Variants in SRGAP2B observed in about 807,000 individuals in gnomAD.
SRGAP2B encodes SLIT-ROBO Rho GTPase activating protein 2B, also known as SLIT-ROBO Rho GTPase-activating protein 2B.
A neutral mutation model predicts 22.2 loss-of-function variants in SRGAP2B; 9 were observed. That is an observed-to-expected ratio of 0.41 (90% confidence interval 0.24 to 0.71). The LOEUF is 0.71. Ranked by LOEUF, SRGAP2B falls within the 30% of genes least tolerant of loss-of-function variation. SRGAP2B has a pLI of 0.35. For synonymous variants in SRGAP2B, 36 were observed against 87.4 expected, an observed-to-expected ratio of 0.41 and a Z score of 3.28; for missense variants, 114 against 235.8, an observed-to-expected ratio of 0.48 and a Z score of 3.38.
At chr1:144,918,058 G>A (rs1304299159) in intron 4 of SRGAP2B, 1 of 74,626 alleles carries the variant, frequency 1.3e-5, no homozygotes, top group Non-Finnish European at 2.5e-5. Flanking sequence ...GAGCTTTTCC[G>A]TTCTCTATAA....
intron 3 of SRGAP2B, among the ~76,000 whole-genome samples, chr1:144,967,538 A>G (rs1668179567): frequency 2.7e-5 from 4 of 148,894 alleles, no homozygotes; most frequent in Non-Finnish European, 5.9e-5. Context: ...AAGAGAAAGC[A>G]GGAAAGATCC....
At chr1:145,002,118 C>T (rs1553620042) in intron 2 of SRGAP2B, among the ~76,000 whole-genome samples, 1 of 85,378 alleles carries the variant, frequency 1.2e-5, no homozygotes, top group Non-Finnish European at 2.2e-5. Context: ...TTTCCCCACT[C>T]TCGGTCCACA....
Position 144,954,970 on chromosome 1 carries a change from GAC to G in SRGAP2B, c.423+467_423+468del, listed in dbSNP as rs1667151147. Among the ~76,000 whole-genome samples the G allele has an allele frequency of 2.0e-5, 3 of 150,598 alleles. 1 individual carries two copies. The South Asian group carries it at 6.2e-4, about 31-fold the overall frequency. On this transcript the variant is annotated intron_variant, in intron 4 of 9. Coordinates refer to ENST00000612199, the Ensembl canonical transcript of SRGAP2B. ...GAACTAGAATAGGAAAACATAAAAT[GAC>G]AGTGTTGGCCCCTTAAGCTCAACAG... is the stretch of plus-strand genomic sequence containing the variant.
chr1:144,970,005 T>TGGAGAGGA (rs1668381322), intron 3 of SRGAP2B, among the ~76,000 whole-genome samples: 2 of 150,390 alleles, frequency 1.3e-5, no homozygotes. Flanking sequence ...CAACAGGTGC[T>TGGAGAGGA]GGAGAGGATG....
chr1:145,021,869 G>A (rs1571029607), intron 2 of SRGAP2B, among the ~76,000 whole-genome samples: 1 of 134,640 alleles, frequency 7.4e-6, no homozygotes, highest in Admixed American at 7.3e-5. Context: ...TATCCTAAAA[G>A]CCAACAGCTT....
intron 2 of SRGAP2B, among the ~76,000 whole-genome samples, chr1:145,013,832 C>A (rs1218707993): frequency 6.6e-6 from 1 of 150,842 alleles, no homozygotes; most frequent in Non-Finnish European, 1.5e-5. Flanking sequence ...TCAGATATAT[C>A]AAGTGAGTAT....
chr1:145,017,356 T>C (rs1175260780), intron 2 of SRGAP2B, among the ~76,000 whole-genome samples: 5 of 146,206 alleles, frequency 3.4e-5, no homozygotes, highest in Non-Finnish European at 1.5e-5. Flanking sequence ...ATTTAAAAAA[T>C]TTTTTGACAT....
At chr1:144,902,857 G>A (rs1460945691) in intron 7 of SRGAP2B, among the ~76,000 whole-genome samples, 1 of 100,010 alleles carries the variant, frequency 1.0e-5, no homozygotes, top group African/African-American at 4.1e-5. Flanking sequence ...CAAGTACTAA[G>A]GCAGCCTCTT....
rs587688898 is a variant in SRGAP2B at position 144,931,146 on chromosome 1, C to T, written c.424-16392G>A. ...AGCTCCCCCTCCATGCTCACAAACT[C>T]CGTACTTTTTCATCTTTAATTACTG... On this transcript the variant is annotated intron_variant, in intron 4 of 9. Coordinates refer to ENST00000612199, the Ensembl canonical transcript of SRGAP2B. Among the ~76,000 whole-genome samples, 84 of 149,708 alleles carry T rather than the reference C, an allele frequency of 5.6e-4. 1 individual carries two copies. In the South Asian group the frequency reaches 9.6e-3, roughly 17 times the overall value.
chr1:144,988,999 C>CTTTTT (rs3062880), intron 3 of SRGAP2B, among the ~76,000 whole-genome samples: 12 of 55,100 alleles, frequency 2.2e-4, no homozygotes, highest in South Asian at 1.2e-3. Context: ...ACTCCCCCCA[C>CTTTTT]TTTTTTTTTT....
chr1:145,006,102 G>A (rs190658418), intron 2 of SRGAP2B, among the ~76,000 whole-genome samples: 31 of 150,942 alleles, frequency 2.1e-4, no homozygotes, highest in East Asian at 7.8e-4. Flanking sequence ...CCCCTGCGGC[G>A]TGACTCTCAA....
chr1:145,061,728 C>T (rs587744337), intron 2 of SRGAP2B, among the ~76,000 whole-genome samples: 7 of 148,150 alleles, frequency 4.7e-5, no homozygotes, highest in Admixed American at 1.3e-4. Flanking sequence ...GCTGGGATTA[C>T]GGGCACCTGC....
chr1:144,939,135 C>G (rs1196953480), intron 4 of SRGAP2B, among the ~76,000 whole-genome samples: 1 of 105,862 alleles, frequency 9.4e-6, no homozygotes, highest in Non-Finnish European at 1.8e-5. Flanking sequence ...GCATTCAAAG[C>G]CTTCTATACT....
intron 7 of SRGAP2B, 94 bp downstream of exon 7, chr1:144,904,997 A>T (rs1662878680): frequency 3.1e-6 from 2 of 641,124 alleles, no homozygotes. Context: ...CTCAAAATGC[A>T]CCAGATTCCT....
intron 7 of SRGAP2B, among the ~76,000 whole-genome samples, chr1:144,902,679 G>T (rs1395045500): frequency 1.4e-5 from 2 of 145,202 alleles, no homozygotes; most frequent in East Asian, 4.0e-4. Context: ...GGAGAATGGC[G>T]TGAACCTGGG....
Position 144,995,259 on chromosome 1 carries a change from T to C in SRGAP2B, c.68-59A>G. The C allele has an allele frequency of 8.1e-6, 4 of 492,386 alleles. No individual in the cohort carries two copies. In the South Asian group the frequency reaches 1.1e-4, roughly 14 times the overall value. 30.5% of individuals were successfully genotyped at this position (492,386 alleles called of 1,614,324 possible). A position where few individuals can be genotyped will look rare whatever the true frequency, so the allele number is the denominator to read the frequency against. On this transcript the variant is annotated intron_variant, in intron 2 of 9. Coordinates refer to ENST00000612199, the Ensembl canonical transcript of SRGAP2B. ...ACAGCCCTAAATAAACCACCATGCATGCCAATATTCACCCACCTTCCACTT... is the reference window on the plus strand; with the variant it reads ...ACAGCCCTAAATAAACCACCATGCACGCCAATATTCACCCACCTTCCACTT...
exon 3 of SRGAP2B, chr1:144,995,060 G>C (rs1553618216): frequency 6.5e-7 from 1 of 1,542,554 alleles, no homozygotes. Flanking sequence ...CGTTCTGCCA[G>C]CTTCTCCAGG....
intron 2 of SRGAP2B, among the ~76,000 whole-genome samples, chr1:145,016,853 T>TTGTTTTTTTTTTG (rs1672456942): frequency 1.3e-5 from 2 of 150,696 alleles, no homozygotes; most frequent in African/African-American, 5.0e-5. Flanking sequence ...TTTTTTTTTT[T>TTGTTTTTTTTTTG]TTGTTTTTTT....
intron 2 of SRGAP2B, among the ~76,000 whole-genome samples, chr1:145,017,759 C>T (rs1295006942): frequency 6.7e-6 from 1 of 149,074 alleles, no homozygotes; most frequent in Non-Finnish European, 1.5e-5. Flanking sequence ...ATGAGTTGTG[C>T]TTTCCCTGTC....
Sources: gnomAD v4.1 joint callset for allele counts (sites outside exome capture counted in the v4.1 genomes callset) on GRCh38, gnomAD v4.1.1 for gene constraint, MANE v1.5 for transcripts, NCBI Gene and HGNC (gene_info 2026-07-23, HGNC 2026-07-21) for gene names.